KIF21B: variants seen among roughly 807,000 people sequenced by gnomAD.
KIF21B encodes kinesin family member 21B, also known as kinesin-like protein KIF21B.
In KIF21B, 85 loss-of-function variants were observed where a neutral mutation model predicts 192.9. The observed-to-expected ratio is 0.44, with a 90% CI of 0.37 to 0.53. The LOEUF is 0.53. KIF21B is among the 20% of genes least tolerant of loss of function. The pLI is 0.00. For missense variants in KIF21B, 1,716 were observed against 2,194.8 expected (o/e 0.78, Z 4.36); for synonymous variants, 832 against 884.6 (o/e 0.94, Z 1.05).
rs200384704 is a variant in KIF21B at position 200,980,519 on chromosome 1, T to C, written c.3979+441A>G. Among the ~76,000 whole-genome samples the C allele has an allele frequency of 4.2e-4, 64 of 152,364 alleles. No homozygotes were observed. The East Asian group carries it at 0.012, about 29-fold the overall frequency. On this transcript the variant is annotated intron_variant, in intron 29 of 34. Coordinates refer to ENST00000461742, the MANE Select transcript of KIF21B (RefSeq NM_001252102.2). ...CTCTTGCCTCATGCTTCCAAAGTGC[T>C]GCAATTACAGGTATGAGCCACTGTG...
At chr1:200,997,530 G>A (rs1317944599) in intron 14 of KIF21B, among the ~76,000 whole-genome samples, 1 of 152,228 alleles carries the variant, frequency 6.6e-6, no homozygotes, top group Non-Finnish European at 1.5e-5. Flanking sequence ...GGATCACAAG[G>A]TCAGGAGTTC....
intron 27 of KIF21B, 29 bp from the exon 28 acceptor site, chr1:200,983,123 AG>A: frequency 6.5e-7 from 1 of 1,532,168 alleles, no homozygotes; most frequent in Non-Finnish European, 8.7e-7. Flanking sequence ...TAGCTGGATT[AG>A]GGGGTGAGAG....
At position 200,990,875 on chromosome 1, in the gene KIF21B, C is replaced by G; in HGVS notation, c.2687+42G>C. 13 of 1,610,824 alleles carry G rather than the reference C, an allele frequency of 8.1e-6. No individual in the cohort carries two copies. Among genetic ancestry groups the G allele is most frequent in the Non-Finnish European group, 1.1e-5 (13 of 1,177,382 alleles). Reference sequence around the variant, plus strand: ...CCTGGCCCTGCCCCATATTCCCACCCCCTCTGCCTGCACAGGCCAGGGGAC... The same window carrying G: ...CCTGGCCCTGCCCCATATTCCCACCGCCTCTGCCTGCACAGGCCAGGGGAC... On this transcript the variant is annotated intron_variant, in intron 18 of 34. Transcript: ENST00000461742. The surrounding 1 kb of genome is among the most constrained non-coding windows in gnomAD (Gnocchi z 5.4).
At chr1:201,007,231 GACAC>G (rs1170693124) in intron 3 of KIF21B, among the ~76,000 whole-genome samples, 1 of 86,386 alleles carries the variant, frequency 1.2e-5, no homozygotes, top group South Asian at 3.6e-4. Context: ...GACACACACA[GACAC>G]ACACACACAG....
Position 200,974,845 on chromosome 1 carries a change from G to A in KIF21B, c.4683C>T (p.Leu1561=), listed in dbSNP as rs370605461. 3 of 1,614,222 alleles carry A rather than the reference G, an allele frequency of 1.9e-6. No individual in the cohort carries two copies. The highest frequency in any genetic ancestry group is 2.5e-6 in the Non-Finnish European group (3 of 1,180,026). The change falls in exon 34 of 35, where the codon CTC becomes CTT. Residue 1561 remains leucine, a synonymous_variant. Coordinates refer to ENST00000461742, the MANE Select transcript of KIF21B (RefSeq NM_001252102.2). ...TGATGACACCCGCACGGCAGGCGCT[G>A]AGCAGCATGGGGCGGCCCGGGATGA... The part of the protein sequence containing the change: ...LAFIPGRPML[L]SACRAGVIKV...
intron 5 of KIF21B, 152 bp downstream of exon 5, chr1:201,005,156 G>T: frequency 8.4e-7 from 1 of 1,186,324 alleles, no homozygotes; most frequent in Non-Finnish European, 1.2e-6. Context: ...TACAAATTGG[G>T]CAACAAGGCT....
chr1:200,999,824 A>C lies in KIF21B; in HGVS notation c.1767+59T>G. The C allele has an allele frequency of 6.3e-7, 1 of 1,583,572 alleles. No individual in the cohort carries two copies. The highest frequency in any genetic ancestry group is 1.1e-5 in the South Asian group (1 of 90,632). ...CAAGGATGCGGATGGGGCCCCCGCCAACCCCAGCAGGGACACAAGGCATGC... is the reference window on the plus strand; with the variant it reads ...CAAGGATGCGGATGGGGCCCCCGCCCACCCCAGCAGGGACACAAGGCATGC... On this transcript the variant is annotated intron_variant, in intron 12 of 34. Transcript: ENST00000461742. This position sits in a 1 kb window ranked among gnomAD's most constrained non-coding sequence, Gnocchi z 4.7.
chr1:201,005,316 G>C lies in KIF21B; in HGVS notation c.724C>G (p.Pro242Ala). ...HLCQMRMCTQ[P>A]DLVNEAVTGL... ...CCCTGCAGGCTCCTCACCAGGTCGGGCTGGGTGCACATGCGCATCTGGCAC... is the reference window on the plus strand; with the variant it reads ...CCCTGCAGGCTCCTCACCAGGTCGGCCTGGGTGCACATGCGCATCTGGCAC... Residue 242 changes from proline (P) to alanine (A), a missense_variant, in exon 5 of 35, where the codon CCC becomes GCC. Physicochemically the swap from Pro to Ala is conservative, Grantham distance 27 (BLOSUM62 -1). Around this residue, in one of 3 missense-constraint regions of KIF21B, gnomAD observed 1,087 missense variants for 1,316.6 expected, o/e 0.83. Coordinates refer to ENST00000461742, the MANE Select transcript of KIF21B (RefSeq NM_001252102.2). 1 of 1,601,654 alleles carries C rather than the reference G, an allele frequency of 6.2e-7. No individual in the cohort carries two copies. The highest frequency in any genetic ancestry group is 8.5e-7 in the Non-Finnish European group (1 of 1,173,620).
In KIF21B at chr1:201,002,423, C is replaced by T. The variant is rs1366568058; in HGVS notation, c.1213-73G>A. 3 of 1,379,036 alleles carry T rather than the reference C, an allele frequency of 2.2e-6. No homozygotes were observed. In the East Asian group the frequency reaches 6.9e-5, roughly 32 times the overall value. The allele number at this position is 1,379,036 out of a possible 1,614,324, so 85.4% of individuals were successfully genotyped here. A position where few individuals can be genotyped will look rare whatever the true frequency, so the allele number is the denominator to read the frequency against. On this transcript the variant is annotated intron_variant, in intron 8 of 34. Transcript: ENST00000461742. ...TGGGGGGGTAAGGGGCTGATGATGC[C>T]CCTCCCTCTGCCAGCGCCCTGGCCT...
Position 201,004,898 on chromosome 1 carries a change from T to C in KIF21B, c.768A>G (p.Thr256=). The change falls in exon 6 of 35, where the codon ACA becomes ACG. Residue 256 remains threonine, a synonymous_variant. Coordinates refer to ENST00000461742, the MANE Select transcript of KIF21B (RefSeq NM_001252102.2). ...GTGTCTCATACTCACTCGAGGGAGG[T>C]GTACCATCAGGAAGCCCAGTCACCG... ...NEAVTGLPDG[T]PPSSEYETLT... 6.2e-7 allele frequency: 1 copy of C among 1,610,370 alleles called. No individual in the cohort carries two copies. The highest frequency in any genetic ancestry group is 2.2e-5 in the East Asian group (1 of 44,738).
rs558350183 is a variant in KIF21B, at chr1:201,011,795, G to A, written c.42-2307C>T. ...TTCCTGAAGACAGCTTCCCTACCAC[G>A]TGGCTGCCTGAAGTGGGATTTCTGG... is the stretch of plus-strand genomic sequence containing the variant. On this transcript the variant is annotated intron_variant, in intron 1 of 34. Coordinates refer to ENST00000461742, the MANE Select transcript of KIF21B (RefSeq NM_001252102.2). Among the ~76,000 whole-genome samples the A allele has an allele frequency of 7.9e-5, 12 of 152,342 alleles. 1 individual carries two copies. In the South Asian group the frequency reaches 2.5e-3, roughly 32 times the overall value.
Position 201,000,685 on chromosome 1 carries a change from C to T in KIF21B, c.1466+32G>A. 6.2e-7 allele frequency: 1 copy of T among 1,614,006 alleles called. No individual in the cohort carries two copies. Among genetic ancestry groups the T allele is most frequent in the Admixed American group, 1.7e-5 (1 of 60,024 alleles). Reference sequence around the variant, plus strand: ...GCGTCACCTGGCCGAGGCCCCCAGCCCGCGCACACCTGCCGGAGCTCACTC... The same window carrying T: ...GCGTCACCTGGCCGAGGCCCCCAGCTCGCGCACACCTGCCGGAGCTCACTC... On this transcript the variant is annotated intron_variant, in intron 10 of 34. Coordinates refer to ENST00000461742, the MANE Select transcript of KIF21B (RefSeq NM_001252102.2). The surrounding 1 kb of genome is among the most constrained non-coding windows in gnomAD (Gnocchi z 6.0).
At chr1:200,996,420 CG>C (rs1426547963) in intron 14 of KIF21B, 25 bp from the exon 15 acceptor site, 4 of 1,607,960 alleles carry the variant, frequency 2.5e-6, no homozygotes, top group Non-Finnish European at 3.4e-6. Flanking sequence ...ACGCAGCTGT[CG>C]GTGCTGGGTC....
At chr1:200,981,900 G>T (rs537592352) in intron 28 of KIF21B, among the ~76,000 whole-genome samples, 1 of 152,140 alleles carries the variant, frequency 6.6e-6, no homozygotes, top group Non-Finnish European at 1.5e-5. Flanking sequence ...TTCTGAAGAT[G>T]ATTTTTTTCT....
intron 15 of KIF21B, among the ~76,000 whole-genome samples, chr1:200,994,724 C>T (rs1470266404): frequency 6.6e-6 from 1 of 152,218 alleles, no homozygotes; most frequent in Non-Finnish European, 1.5e-5. Context: ...ATGGCATCAG[C>T]TGGGAACTCC....
chr1:200,976,964 C>G, intron 31 of KIF21B, 71 bp from the exon 32 acceptor site: 1 of 1,220,786 alleles, frequency 8.2e-7, no homozygotes, highest in Non-Finnish European at 1.2e-6. Flanking sequence ...GGGGTGTCTG[C>G]CCCAAAACAA....
rs1405681689 is a variant in KIF21B, at chr1:201,019,059, T to G, written c.41+4284A>C. 3.9e-5 allele frequency among the ~76,000 whole-genome samples: 6 copies of G among 152,220 alleles called. No individual in the cohort carries two copies. In the East Asian group the frequency reaches 1.2e-3, roughly 29 times the overall value. ...AAGTGATTCTCCTGTCTCAGCCTCCTGAGTAGCTGGGACTACAGGCATGCG... is the reference window on the plus strand; with the variant it reads ...AAGTGATTCTCCTGTCTCAGCCTCCGGAGTAGCTGGGACTACAGGCATGCG... On this transcript the variant is annotated intron_variant, in intron 1 of 34. Coordinates refer to ENST00000461742, the MANE Select transcript of KIF21B (RefSeq NM_001252102.2).
chr1:200,984,394 G>A (rs1456944138), intron 27 of KIF21B, among the ~76,000 whole-genome samples: 1 of 152,232 alleles, frequency 6.6e-6, no homozygotes, highest in African/African-American at 2.4e-5. Context: ...TGCATCAGGA[G>A]CTGTGAATAT....
intron 27 of KIF21B, among the ~76,000 whole-genome samples, chr1:200,984,487 T>G (rs755795867): frequency 6.6e-6 from 1 of 152,096 alleles, no homozygotes; most frequent in African/African-American, 2.4e-5. Context: ...AGTGGAGTGG[T>G]TGAAGCTGAA....
Sources: allele counts gnomAD v4.1 joint callset (sites outside exome capture counted in the v4.1 genomes callset), GRCh38; gene constraint gnomAD v4.1.1; regional missense constraint gnomAD v4.1.1; non-coding constraint Gnocchi (gnomAD v3.1); transcripts MANE v1.5; gene names NCBI Gene and HGNC (gene_info 2026-07-23, HGNC 2026-07-21).